ENTREP2: variants seen among roughly 807,000 people sequenced by gnomAD.
The protein encoded by ENTREP2 is protein ENTREP2.
the ENTREP2 span, among the ~76,000 whole-genome samples, chr15:29,613,034 A>C: frequency 6.6e-6 from 1 of 152,286 alleles, no homozygotes; most frequent in Middle Eastern, 3.4e-3. Context: ...TAACTCCCCC[A>C]GAATTTGCAC....
the ENTREP2 span, among the ~76,000 whole-genome samples, chr15:29,656,134 C>CA: frequency 3.3e-5 from 5 of 149,658 alleles, no homozygotes; most frequent in Non-Finnish European, 7.4e-5. Context: ...AAATATCTTA[C>CA]AAAAATAAAG....
chr15:29,616,003 C>T, the ENTREP2 span, among the ~76,000 whole-genome samples: 2 of 152,182 alleles, frequency 1.3e-5, no homozygotes, highest in Non-Finnish European at 2.9e-5. Flanking sequence ...GCCCCCACCC[C>T]GGTTCACAGA....
chr15:29,180,736 CA>C, the ENTREP2 span, among the ~76,000 whole-genome samples: 1 of 151,536 alleles, frequency 6.6e-6, no homozygotes, highest in African/African-American at 2.4e-5. Flanking sequence ...CATATATCTG[CA>C]AAATTTAAAA....
chr15:29,143,142 T>C, the ENTREP2 span, among the ~76,000 whole-genome samples: 1 of 152,230 alleles, frequency 6.6e-6, no homozygotes, highest in Non-Finnish European at 1.5e-5. Context: ...AGACTTGTTC[T>C]TGCTATTCCT....
the ENTREP2 span, among the ~76,000 whole-genome samples, chr15:29,140,566 C>A: frequency 2.0e-5 from 3 of 152,186 alleles, no homozygotes; most frequent in African/African-American, 7.2e-5. Flanking sequence ...GCTCTTTGAA[C>A]AAACCAGCTC....
chr15:29,252,518 A>G, the ENTREP2 span: 1 of 1,212,222 alleles, frequency 8.2e-7, no homozygotes, highest in South Asian at 1.4e-5. Context: ...ATTCACTTGG[A>G]GAGGCTCAAA....
the ENTREP2 span, among the ~76,000 whole-genome samples, chr15:29,581,940 TG>T: frequency 1.1e-4 from 12 of 107,086 alleles, no homozygotes; most frequent in Non-Finnish European, 1.8e-4. Context: ...CAAAATATGC[TG>T]GTTTTTTTTT....
the ENTREP2 span, among the ~76,000 whole-genome samples, chr15:29,139,829 T>C: frequency 1.3e-5 from 2 of 152,134 alleles, no homozygotes; most frequent in African/African-American, 4.8e-5. Context: ...ACGTCTCCCC[T>C]CTCTTCCCCA....
At chr15:29,327,043 C>T in the ENTREP2 span, among the ~76,000 whole-genome samples, 2 of 152,124 alleles carry the variant, frequency 1.3e-5, no homozygotes, top group African/African-American at 2.4e-5. Flanking sequence ...ATAAAACTTA[C>T]ACCTTACTCA....
At chr15:29,464,063 A>T in the ENTREP2 span, among the ~76,000 whole-genome samples, 1 of 152,092 alleles carries the variant, frequency 6.6e-6, no homozygotes, top group Non-Finnish European at 1.5e-5. Flanking sequence ...GAGAAGGGAG[A>T]TCATGTTCAA....
the ENTREP2 span, among the ~76,000 whole-genome samples, chr15:29,306,171 T>C: frequency 3.3e-5 from 5 of 152,098 alleles, no homozygotes; most frequent in African/African-American, 1.2e-4. Context: ...CTGGGGCAAG[T>C]AGGGTGGTAC....
chr15:29,186,683 A>G, the ENTREP2 span, among the ~76,000 whole-genome samples: 1 of 152,312 alleles, frequency 6.6e-6, no homozygotes. Context: ...TCAAACACCT[A>G]TCAGTCCTTG....
At chr15:29,619,177 G>A in the ENTREP2 span, among the ~76,000 whole-genome samples, 1 of 152,218 alleles carries the variant, frequency 6.6e-6, no homozygotes. Context: ...TGGATCACAA[G>A]GTCAGGAGAT....
the ENTREP2 span, among the ~76,000 whole-genome samples, chr15:29,440,330 T>A: frequency 6.6e-6 from 1 of 152,218 alleles, no homozygotes; most frequent in Non-Finnish European, 1.5e-5. Flanking sequence ...CTTTTCCTGT[T>A]CTAATGCCAG....
At chr15:29,246,724 A>C in the ENTREP2 span, among the ~76,000 whole-genome samples, 2 of 152,008 alleles carry the variant, frequency 1.3e-5, no homozygotes, top group African/African-American at 4.8e-5. Flanking sequence ...AATTATTTGC[A>C]TGTTCATTTT....
the ENTREP2 span, among the ~76,000 whole-genome samples, chr15:29,372,637 G>A: frequency 6.6e-6 from 1 of 152,098 alleles, no homozygotes; most frequent in African/African-American, 2.4e-5. Flanking sequence ...ATCAAATCAT[G>A]GCCACTGTGT....
At chr15:29,344,740 C>T in the ENTREP2 span, among the ~76,000 whole-genome samples, 58 of 152,122 alleles carry the variant, frequency 3.8e-4, no homozygotes, top group African/African-American at 1.3e-3. Flanking sequence ...GGACAGACAG[C>T]GTGTCCCCAA....
At chr15:29,281,133 A>T in the ENTREP2 span, among the ~76,000 whole-genome samples, 1 of 152,192 alleles carries the variant, frequency 6.6e-6, no homozygotes, top group Non-Finnish European at 1.5e-5. Flanking sequence ...AAAGCTGTGT[A>T]TTGGGAAATT....
chr15:29,233,658 G>A, the ENTREP2 span: 31 of 941,890 alleles, frequency 3.3e-5, no homozygotes, highest in African/African-American at 4.8e-4. Context: ...CTGTAATAAA[G>A]CTATGGATGG....
Sources: gnomAD v4.1 joint callset for allele counts (sites outside exome capture counted in the v4.1 genomes callset) on GRCh38, gnomAD v4.1.1 for gene constraint, MANE v1.5 for transcripts, NCBI Gene and HGNC (gene_info 2026-07-23, HGNC 2026-07-21) for gene names.